PSKH1: variants seen among roughly 807,000 people sequenced by gnomAD.
PSKH1 encodes protein serine kinase H1.
PSKH1 carries 12 observed loss-of-function variants against 26.7 expected under a neutral mutation model. The observed-to-expected ratio is 0.45, with a 90% CI of 0.29 to 0.73. PSKH1 has a LOEUF of 0.73. Among genes scored for constraint, PSKH1 ranks in the 30% least tolerant of loss-of-function variants. The probability of loss-of-function intolerance (pLI) is 0.11; values close to 1 mark genes in which losing one functional copy is unlikely to be tolerated. For synonymous variants in PSKH1, 213 were observed against 234.3 expected (o/e 0.91, Z 0.83); for missense variants, 431 against 595.2 (o/e 0.72, Z 2.87).
At chr16:67,924,006 T>TGG (rs2058209942) in intron 2 of PSKH1, among the ~76,000 whole-genome samples, 1 of 152,190 alleles carries the variant, frequency 6.6e-6, no homozygotes, top group Non-Finnish European at 1.5e-5. Context: ...CTAAGCCCTG[T>TGG]GGGAGGCCTC....
intron 2 of PSKH1, among the ~76,000 whole-genome samples, chr16:67,925,590 A>G (rs1016816134): frequency 6.6e-6 from 1 of 152,010 alleles, no homozygotes; most frequent in Admixed American, 6.5e-5. Flanking sequence ...CTTGGATAGT[A>G]AGGCATCTAT....
rs2058166508 is a variant in PSKH1 at position 67,909,332 on chromosome 16, G to A, written c.583G>A (p.Ala195Thr). ...CAAGGGCTCCTTCACCGAGCGTGAC[G>A]CCACGCGGGTGCTGCAGATGGTGCT... is the stretch of plus-strand genomic sequence containing the variant. Reference protein sequence around the residue: ...IAKGSFTERDATRVLQMVLDG... With the variant: ...IAKGSFTERDTTRVLQMVLDG... Residue 195 changes from alanine to threonine, a missense_variant, in exon 2 of 3, where the codon GCC becomes ACC. Physicochemically the swap from Ala to Thr is moderately conservative, Grantham distance 58 (BLOSUM62 0). Transcript: ENST00000291041. This position sits in a 1 kb window ranked among gnomAD's most constrained non-coding sequence, Gnocchi z 7.8. 1 of 1,613,954 alleles carries A rather than the reference G, an allele frequency of 6.2e-7. No individual in the cohort carries two copies.
At chr16:67,897,274 GACTT>G (rs2058129040) in intron 1 of PSKH1, among the ~76,000 whole-genome samples, 1 of 152,190 alleles carries the variant, frequency 6.6e-6, no homozygotes, top group Non-Finnish European at 1.5e-5. Context: ...GCTGGAGAGA[GACTT>G]ATTTATTTGA....
chr16:67,918,957 T>G (rs934610308), intron 2 of PSKH1, among the ~76,000 whole-genome samples: 1 of 152,146 alleles, frequency 6.6e-6, no homozygotes, highest in Non-Finnish European at 1.5e-5. Context: ...ATGCAGAGAA[T>G]GTGGCATGTC....
In PSKH1 at chr16:67,908,866, C is replaced by A. The variant is rs776667864; in HGVS notation, c.117C>A (p.Ile39=). The change falls in exon 2 of 3, where the codon ATC becomes ATA. Residue 39 remains isoleucine, a synonymous_variant. Transcript: ENST00000291041. ...AGAGTGACGTGTACAAGCACTTCAT[C>A]ACAGAGGTGGACAGTGTTGGCCCTG... ...GTKSDVYKHF[I]TEVDSVGPVK... 1.9e-6 allele frequency: 3 copies of A among 1,614,064 alleles called. No homozygotes were observed. The highest frequency in any genetic ancestry group is 3.3e-5 in the Admixed American group (2 of 60,002).
At position 67,909,810 on chromosome 16, in the gene PSKH1, G is replaced by T; in HGVS notation, c.957+104G>T. ...GGTATGTCCTCAGGGCCATGCTCGT[G>T]AGGGCCAGGCAGGTCATATAAAAGG... On this transcript the variant is annotated intron_variant, in intron 2 of 2. Coordinates refer to ENST00000291041, the MANE Select transcript of PSKH1 (RefSeq NM_006742.3). This position sits in a 1 kb window ranked among gnomAD's most constrained non-coding sequence, Gnocchi z 7.8. 1 of 1,090,990 alleles carries T rather than the reference G, an allele frequency of 9.2e-7. No individual in the cohort carries two copies. The highest frequency in any genetic ancestry group is 2.2e-5 in the Admixed American group (1 of 45,198). The allele number at this position is 1,090,990 out of a possible 1,614,324, so 67.6% of individuals were successfully genotyped here.
chr16:67,909,295 C>T lies in PSKH1; in HGVS notation c.546C>T (p.Asp182=), dbSNP rs1427842273. The change falls in exon 2 of 3, where the codon GAC becomes GAT. Residue 182 remains aspartate (D), a synonymous_variant. Transcript: ENST00000291041. This position sits in a 1 kb window ranked among gnomAD's most constrained non-coding sequence, Gnocchi z 7.8. ...MELATGGELF[D]RIIAKGSFTE... is the part of the protein sequence containing the mutation. ...TGGCCACTGGTGGAGAGCTCTTTGA[C>T]CGCATCATTGCCAAGGGCTCCTTCA... 2.5e-6 allele frequency: 4 copies of T among 1,614,166 alleles called. No individual in the cohort carries two copies. Among genetic ancestry groups the T allele is most frequent in the Non-Finnish European group, 2.5e-6 (3 of 1,180,046 alleles).
chr16:67,904,447 G>A (rs1005395805), intron 1 of PSKH1, among the ~76,000 whole-genome samples: 5 of 151,672 alleles, frequency 3.3e-5, no homozygotes, highest in South Asian at 2.1e-4. Flanking sequence ...CTTGTGATCC[G>A]CCCACCTCGG....
At position 67,909,251 on chromosome 16, in the gene PSKH1, G is replaced by A. The variant is rs1483711142; in HGVS notation, c.502G>A (p.Val168Met). ...LVEVFETQER[V>M]YMVMELATGG... ...GGAGGTGTTCGAGACACAGGAGCGG[G>A]TGTACATGGTGATGGAGCTGGCCAC... The change falls in exon 2 of 3, where the codon GTG becomes ATG. Residue 168 changes from valine to methionine, a missense_variant. Val to Met is a conservative substitution (Grantham distance 21). Transcript: ENST00000291041. The surrounding 1 kb of genome is among the most constrained non-coding windows in gnomAD (Gnocchi z 7.8). 1 of 1,614,134 alleles carries A rather than the reference G, an allele frequency of 6.2e-7. No homozygotes were observed. The highest frequency in any genetic ancestry group is 1.1e-5 in the South Asian group (1 of 91,074).
At chr16:67,895,598 G>A (rs2058124236) in intron 1 of PSKH1, among the ~76,000 whole-genome samples, 1 of 151,964 alleles carries the variant, frequency 6.6e-6, no homozygotes, top group Non-Finnish European at 1.5e-5. Context: ...TAGTAGAGAC[G>A]GGATTTCATC....
intron 2 of PSKH1, among the ~76,000 whole-genome samples, chr16:67,915,686 C>T (rs1160908404): frequency 6.6e-6 from 1 of 152,196 alleles, no homozygotes; most frequent in Admixed American, 6.5e-5. Flanking sequence ...CCAGCAATCA[C>T]TCCTTCCAGC....
rs184487013 is a variant in PSKH1, at chr16:67,894,985, G to A, written c.-71+1614G>A. On this transcript the variant is annotated intron_variant, in intron 1 of 2. Transcript: ENST00000291041. ...TTTTTGCCCAGGCTGGAGCAATGGC[G>A]CGATCTTGGCTCACTGCAACCTCTA... Among the ~76,000 whole-genome samples the A allele has an allele frequency of 5.4e-5, 8 of 149,036 alleles. No homozygotes were observed. The South Asian group carries it at 6.4e-4, about 12-fold the overall frequency.
intron 2 of PSKH1, among the ~76,000 whole-genome samples, chr16:67,923,047 G>C (rs1458652010): frequency 6.6e-6 from 1 of 152,224 alleles, no homozygotes; most frequent in African/African-American, 2.4e-5. Context: ...ATTAGAGCTA[G>C]AGCAAACGAA....
intron 2 of PSKH1, among the ~76,000 whole-genome samples, chr16:67,914,642 C>T (rs796265080): frequency 2.6e-5 from 4 of 151,798 alleles, no homozygotes; most frequent in African/African-American, 9.7e-5. Flanking sequence ...TTAGTAGAGA[C>T]GGGGTTTCGG....
intron 1 of PSKH1, among the ~76,000 whole-genome samples, chr16:67,903,840 C>CTTT (rs1241734475): frequency 5.6e-5 from 7 of 125,366 alleles, no homozygotes; most frequent in African/African-American, 1.2e-4. Flanking sequence ...GCACTACACT[C>CTTT]TTTTTTTTTT....
chr16:67,915,408 C>T (rs769433363), intron 2 of PSKH1, among the ~76,000 whole-genome samples: 43 of 152,234 alleles, frequency 2.8e-4, no homozygotes, highest in Non-Finnish European at 5.7e-4. Flanking sequence ...CTGTGGAGAG[C>T]TCTGGGTTGG....
chr16:67,920,441 C>G (rs547099209), intron 2 of PSKH1, among the ~76,000 whole-genome samples: 76 of 152,180 alleles, frequency 5.0e-4, no homozygotes, highest in Non-Finnish European at 9.0e-4. Flanking sequence ...TTTTAGGTTT[C>G]TTGTAGAGAT....
intron 2 of PSKH1, among the ~76,000 whole-genome samples, chr16:67,913,798 G>C (rs2058179601): frequency 1.3e-5 from 2 of 152,172 alleles, no homozygotes; most frequent in South Asian, 4.1e-4. Context: ...CTGAGGGTCT[G>C]CATTTCTAAT....
At chr16:67,897,486 G>T (rs983468645) in intron 1 of PSKH1, among the ~76,000 whole-genome samples, 3 of 152,162 alleles carry the variant, frequency 2.0e-5, no homozygotes, top group Admixed American at 6.6e-5. Flanking sequence ...TGGCCTCTCA[G>T]GGCATCCTAA....
Sources: allele counts gnomAD v4.1 joint callset (sites outside exome capture counted in the v4.1 genomes callset), GRCh38; gene constraint gnomAD v4.1.1; non-coding constraint Gnocchi (gnomAD v3.1); transcripts MANE v1.5; gene names NCBI Gene and HGNC (gene_info 2026-07-23, HGNC 2026-07-21).